The following PHF21A variants were observed in gnomAD, a reference collection of about 807,000 sequenced individuals.
The protein encoded by PHF21A is PHD finger protein 21A.
Under a neutral mutation model 82.5 loss-of-function variants are expected in PHF21A, and 11 were observed. The ratio of observed to expected loss-of-function variants is 0.13; its 90% CI spans 0.08 to 0.22. The LOEUF (loss-of-function observed/expected upper bound fraction) is 0.22, where lower values mean the gene tolerates loss of function less well. PHF21A is among the 10% of genes least tolerant of loss of function. The probability of loss-of-function intolerance (pLI) is 1.00; values close to 1 mark genes in which losing one functional copy is unlikely to be tolerated. For synonymous variants in PHF21A, 297 were observed against 302.8 expected (o/e 0.98, Z 0.20); for missense variants, 579 against 837.8 (o/e 0.69, Z 3.81).
chr11:46,038,950 A>G (rs866850957), intron 6 of PHF21A, among the ~76,000 whole-genome samples: 9 of 152,160 alleles, frequency 5.9e-5, no homozygotes, highest in Admixed American at 3.9e-4. Context: ...ACTATCAAAG[A>G]GCTTTCCAAG....
At chr11:46,089,564 G>C (rs2096898914) in intron 3 of PHF21A, among the ~76,000 whole-genome samples, 1 of 151,898 alleles carries the variant, frequency 6.6e-6, no homozygotes, top group Admixed American at 6.6e-5. Context: ...CAAAGAGCTT[G>C]GCAACCCTGA....
chr11:46,084,214 C>T lies in PHF21A; in HGVS notation c.6G>A (p.Glu2=), dbSNP rs1448451015. Residue 2 remains glutamate (E), a synonymous_variant, in exon 4 of 19, where the codon GAG becomes GAA. Transcript: ENST00000676320. The part of the protein sequence containing the change: M[E]LQTLQEALKV... ...TAAGAGCCTCCTGTAGAGTCTGCAA[C>T]TCCATCCTCTACCTTCTCCACTTTC... The T allele has an allele frequency of 6.2e-7, 1 of 1,600,738 alleles. No individual in the cohort carries two copies. Among genetic ancestry groups the T allele is most frequent in the Non-Finnish European group, 8.5e-7 (1 of 1,175,748 alleles).
At chr11:46,036,332 G>T (rs983920495) in intron 6 of PHF21A, among the ~76,000 whole-genome samples, 61 of 152,198 alleles carry the variant, frequency 4.0e-4, no homozygotes, top group African/African-American at 1.2e-3. Context: ...GTACGACACT[G>T]AAGTGAAGTT....
rs138752537 is a variant in PHF21A at position 46,054,327 on chromosome 11, C to A, written c.153+22427G>T. Among the ~76,000 whole-genome samples the A allele has an allele frequency of 2.1e-3, 326 of 152,224 alleles. 1 individual carries two copies. Among genetic ancestry groups the A allele is most frequent in the African/African-American group, 7.4e-3 (306 of 41,540 alleles). On this transcript the variant is annotated intron_variant, in intron 6 of 18. Coordinates refer to ENST00000676320, the MANE Select transcript of PHF21A (RefSeq NM_001352027.3). ...GATTCAAACAAATCATTAACTCTGA[C>A]AAACTAACAACATACAGATTTGTCC... is the stretch of plus-strand genomic sequence containing the variant.
rs762834030 is a variant in PHF21A, at chr11:45,965,489, G to T, written c.822C>A (p.Thr274=). 1 of 1,613,882 alleles carries T rather than the reference G, an allele frequency of 6.2e-7. No homozygotes were observed. Among genetic ancestry groups the T allele is most frequent in the Non-Finnish European group, 8.5e-7 (1 of 1,179,874 alleles). ...GGATGGAATTCTGGGATGTGGGAAG[G>T]GTTGTGGGGGTGAACTTGGTCAGCA... is the stretch of plus-strand genomic sequence containing the variant. The part of the protein sequence containing the change: ...PVMLTKFTPT[T]LPTSQNSIHP... The change falls in exon 10 of 19, where the codon ACC becomes ACA. Residue 274 remains threonine, a synonymous_variant. Transcript: ENST00000676320.
At chr11:46,035,022 T>G (rs973251584) in intron 6 of PHF21A, among the ~76,000 whole-genome samples, 1 of 152,034 alleles carries the variant, frequency 6.6e-6, no homozygotes, top group Non-Finnish European at 1.5e-5. Context: ...AATGAAAGAG[T>G]AACTAGTCTA....
chr11:46,068,968 T>C (rs975309997), intron 6 of PHF21A, among the ~76,000 whole-genome samples: 31 of 152,182 alleles, frequency 2.0e-4, no homozygotes, highest in Non-Finnish European at 4.4e-5. Context: ...CAAGCATCTC[T>C]TTCTCAAAGA....
intron 1 of PHF21A, among the ~76,000 whole-genome samples, chr11:46,101,955 T>C (rs893965015): frequency 6.6e-6 from 1 of 152,044 alleles, no homozygotes; most frequent in Non-Finnish European, 1.5e-5. Context: ...ACTCCTGTGT[T>C]CAAGCGATTC....
chr11:45,986,084 AAC>A lies in PHF21A; in HGVS notation c.154-6120_154-6119del, dbSNP rs60179976. Among the ~76,000 whole-genome samples the A allele has an allele frequency of 1.6e-4, 21 of 132,252 alleles. No homozygotes were observed. In the South Asian group the frequency reaches 3.1e-3, roughly 19 times the overall value. The allele number at this position is 132,252 out of a possible 152,430, so 86.8% of individuals were successfully genotyped here. A position where few individuals can be genotyped will look rare whatever the true frequency, so the allele number is the denominator to read the frequency against. ...TCTTTGGGGCTTATTCTTCCTTCAA[AAC>A]ACACACACACACACACACACACAGA... On this transcript the variant is annotated intron_variant, in intron 6 of 18. Transcript: ENST00000676320.
chr11:45,998,574 G>A (rs1055735744), intron 6 of PHF21A, among the ~76,000 whole-genome samples: 2 of 151,268 alleles, frequency 1.3e-5, no homozygotes, highest in Admixed American at 6.6e-5. Flanking sequence ...GTGCAATTGC[G>A]TGATCTTGGC....
intron 1 of PHF21A, among the ~76,000 whole-genome samples, chr11:46,116,176 T>C (rs2097286852): frequency 6.6e-6 from 1 of 152,198 alleles, no homozygotes; most frequent in Non-Finnish European, 1.5e-5. Context: ...CTTTAAACTT[T>C]TGGGTTATTT....
At chr11:45,990,958 T>A (rs1357542886) in intron 6 of PHF21A, among the ~76,000 whole-genome samples, 9 of 152,200 alleles carry the variant, frequency 5.9e-5, no homozygotes, top group African/African-American at 2.2e-4. Flanking sequence ...TAGACAAACA[T>A]ATAATGACAT....
intron 6 of PHF21A, among the ~76,000 whole-genome samples, chr11:46,061,635 T>C (rs1392119065): frequency 2.6e-5 from 4 of 152,212 alleles, no homozygotes; most frequent in Non-Finnish European, 2.9e-5. Flanking sequence ...ACACATTGTA[T>C]GATATATTGG....
At chr11:45,964,846 AT>A (rs1208287540) in intron 10 of PHF21A, among the ~76,000 whole-genome samples, 2 of 152,150 alleles carry the variant, frequency 1.3e-5, no homozygotes, top group African/African-American at 4.8e-5. Context: ...GGAAATTTTA[AT>A]TTTTTTTGTT....
chr11:46,032,622 T>C (rs1409867301), intron 6 of PHF21A, among the ~76,000 whole-genome samples: 1 of 152,174 alleles, frequency 6.6e-6, no homozygotes, highest in Non-Finnish European at 1.5e-5. Flanking sequence ...TAATTTAAAA[T>C]GTAGATTCCT....
At chr11:45,962,750 G>A (rs969495026) in intron 10 of PHF21A, among the ~76,000 whole-genome samples, 29 of 148,514 alleles carry the variant, frequency 2.0e-4, no homozygotes, top group African/African-American at 5.7e-4. Context: ...AAAATTAGCC[G>A]GGCATGGTGG....
At chr11:45,985,185 C>T (rs904228896) in intron 6 of PHF21A, among the ~76,000 whole-genome samples, 2 of 152,116 alleles carry the variant, frequency 1.3e-5, no homozygotes, top group African/African-American at 2.4e-5. Context: ...GACTTTCTAC[C>T]GTCTAACTAA....
intron 1 of PHF21A, among the ~76,000 whole-genome samples, chr11:46,111,721 A>C (rs2097216741): frequency 6.6e-6 from 1 of 152,220 alleles, no homozygotes; most frequent in African/African-American, 2.4e-5. Flanking sequence ...AAACAGCCAA[A>C]AGGAACCAGC....
chr11:45,965,814 CT>C (rs2093401851), intron 9 of PHF21A, among the ~76,000 whole-genome samples: 2 of 152,108 alleles, frequency 1.3e-5, no homozygotes, highest in Non-Finnish European at 2.9e-5. Flanking sequence ...TAGAACATAG[CT>C]TTTGATTCTA....
Sources: gnomAD v4.1 joint callset for allele counts (sites outside exome capture counted in the v4.1 genomes callset) on GRCh38, gnomAD v4.1.1 for gene constraint, MANE v1.5 for transcripts, NCBI Gene and HGNC (gene_info 2026-07-23, HGNC 2026-07-21) for gene names.